Variants in LETM1 observed in about 807,000 individuals in gnomAD.
LETM1 encodes the protein leucine zipper and EF-hand containing transmembrane protein 1, also known as mitochondrial proton/calcium exchanger protein.
Under a neutral mutation model 74.5 loss-of-function variants are expected in LETM1, and 50 were observed. The observed-to-expected ratio is 0.67, with a 90% CI of 0.53 to 0.85. The LOEUF (loss-of-function observed/expected upper bound fraction) is 0.85, where lower values mean the gene tolerates loss of function less well. LETM1 is among the 40% of genes least tolerant of loss of function. The probability of loss-of-function intolerance (pLI) is 0.00; values close to 1 mark genes in which losing one functional copy is unlikely to be tolerated. For synonymous variants in LETM1, 446 were observed against 407.1 expected, an observed-to-expected ratio of 1.10 and a Z score of -1.15; for missense variants, 824 against 967.8, an observed-to-expected ratio of 0.85 and a Z score of 1.97.
chr4:1,816,989 T>A, intron 11 of LETM1, 75 bp from the exon 12 acceptor site: 2 of 1,259,054 alleles, frequency 1.6e-6, no homozygotes, highest in Non-Finnish European at 2.3e-6. Flanking sequence ...CTCACGCCTG[T>A]AATCCCAGTA....
chr4:1,828,399 G>T (rs1399810568), intron 6 of LETM1, among the ~76,000 whole-genome samples: 3 of 95,120 alleles, frequency 3.2e-5, no homozygotes, highest in African/African-American at 4.8e-5. Context: ...CCTCCCTCCC[G>T]GACGGGGCGG....
intron 1 of LETM1, among the ~76,000 whole-genome samples, chr4:1,850,244 T>G (rs923894610): frequency 6.6e-6 from 1 of 152,128 alleles, no homozygotes; most frequent in Non-Finnish European, 1.5e-5. Context: ...GTTGGAAGGT[T>G]TCAGAGCACT....
At chr4:1,831,226 C>T (rs1712257508) in intron 6 of LETM1, among the ~76,000 whole-genome samples, 1 of 152,240 alleles carries the variant, frequency 6.6e-6, no homozygotes, top group African/African-American at 2.4e-5. Context: ...TGTTGTCACT[C>T]ACTCACATCC....
intron 12 of LETM1, among the ~76,000 whole-genome samples, chr4:1,816,497 C>A (rs1711576087): frequency 6.6e-6 from 1 of 152,032 alleles, no homozygotes; most frequent in Non-Finnish European, 1.5e-5. Context: ...GGAGAGGGGG[C>A]TGTGGGAAGA....
intron 2 of LETM1, among the ~76,000 whole-genome samples, chr4:1,845,479 C>A (rs1175288386): frequency 6.6e-6 from 1 of 150,806 alleles, no homozygotes; most frequent in Non-Finnish European, 1.5e-5. Context: ...ATTGTGTGAC[C>A]AAATAAAAAG....
intron 8 of LETM1, 110 bp from the exon 9 acceptor site, chr4:1,823,241 TCA>T (rs1193454392): frequency 7.4e-7 from 1 of 1,352,232 alleles, no homozygotes; most frequent in Non-Finnish European, 1.0e-6. Context: ...CACCTGGGCT[TCA>T]CACACACAGG....
intron 3 of LETM1, among the ~76,000 whole-genome samples, chr4:1,837,859 C>A (rs377159865): frequency 6.6e-6 from 1 of 151,890 alleles, no homozygotes. Context: ...TGCGCCACCA[C>A]GCCTAGCTAA....
chr4:1,852,687 G>A (rs1302874456), intron 1 of LETM1, among the ~76,000 whole-genome samples: 1 of 152,180 alleles, frequency 6.6e-6, no homozygotes, highest in African/African-American at 2.4e-5. Flanking sequence ...GGCCAAGGCA[G>A]GTGGATCGCT....
intron 6 of LETM1, 34 bp from the exon 7 acceptor site, chr4:1,825,717 C>T: frequency 2.5e-6 from 4 of 1,583,020 alleles, no homozygotes; most frequent in Non-Finnish European, 3.4e-6. Context: ...TCATCTGGGA[C>T]AGTTGCTGGT....
rs1343767457 is a variant in LETM1, at chr4:1,816,722, C to A, written c.1931+5G>T. 1 of 1,612,466 alleles carries A rather than the reference C, an allele frequency of 6.2e-7. No homozygotes were observed. The highest frequency in any genetic ancestry group is 8.5e-7 in the Non-Finnish European group (1 of 1,178,716). Reference sequence around the variant, plus strand: ...TCCCTCTCCCGCGCCCACCACCCCACTCACCCCGTGGGCATGCCGTTGGCC... The same window carrying A: ...TCCCTCTCCCGCGCCCACCACCCCAATCACCCCGTGGGCATGCCGTTGGCC... On this transcript the variant is annotated splice_donor_5th_base_variant and intron_variant, in intron 12 of 13. Transcript: ENST00000302787.
intron 2 of LETM1, chr4:1,843,159 TA>T (rs111668920): frequency 0.086 from 14,859 of 172,242 alleles, 2,136 homozygotes; most frequent in African/African-American, 0.32. Context: ...TGCGTGACCT[TA>T]GACTGAGTAA....
At chr4:1,835,792 T>A (rs1165378252) in intron 4 of LETM1, among the ~76,000 whole-genome samples, 1 of 152,184 alleles carries the variant, frequency 6.6e-6, no homozygotes, top group South Asian at 2.1e-4. Context: ...TATTTTAAAA[T>A]ACATTGAGCT....
chr4:1,848,715 CAA>C (rs927486416), intron 2 of LETM1, among the ~76,000 whole-genome samples: 2 of 43,894 alleles, frequency 4.6e-5, no homozygotes, highest in African/African-American at 9.1e-5. Flanking sequence ...GGCTCTGTCT[CAA>C]AAAAAAAAAA....
In LETM1 at chr4:1,814,138, C is replaced by T. The variant is rs568218855; in HGVS notation, c.*286G>A. ...GAGACTGAGGCCACACACATGGGGG[C>T]GCCTTCCTGCCTTGGCCCAGCCCAG... On this transcript the variant is annotated 3_prime_UTR_variant, in exon 14 of 14. Coordinates refer to ENST00000302787, the MANE Select transcript of LETM1 (RefSeq NM_012318.3). The T allele has an allele frequency of 3.2e-3, 1,389 of 440,146 alleles. 18 individuals are homozygous for T. The highest frequency in any genetic ancestry group is 1.9e-3 in the Non-Finnish European group (453 of 238,170). 27.3% of individuals were successfully genotyped at this position (440,146 alleles called of 1,614,324 possible). A position where few individuals can be genotyped will look rare whatever the true frequency, so the allele number is the denominator to read the frequency against.
At chr4:1,816,440 G>C (rs1448019527) in intron 12 of LETM1, among the ~76,000 whole-genome samples, 1 of 152,178 alleles carries the variant, frequency 6.6e-6, no homozygotes, top group Non-Finnish European at 1.5e-5. Context: ...AGAGAGCCTG[G>C]TAATTAGAGG....
At chr4:1,824,088 C>T (rs920708530) in intron 7 of LETM1, among the ~76,000 whole-genome samples, 15 of 152,070 alleles carry the variant, frequency 9.9e-5, no homozygotes, top group African/African-American at 3.6e-4. Flanking sequence ...TTTGGGAGGC[C>T]GAGGTGGGCG....
chr4:1,831,906 G>C (rs181102403), intron 6 of LETM1, among the ~76,000 whole-genome samples: 10 of 152,354 alleles, frequency 6.6e-5, no homozygotes, highest in South Asian at 2.1e-4. Context: ...CCAGTTATTA[G>C]AGTAATCAAT....
chr4:1,854,783 ACT>A (rs1249332619), intron 1 of LETM1, among the ~76,000 whole-genome samples: 3 of 151,942 alleles, frequency 2.0e-5, no homozygotes, highest in Admixed American at 2.0e-4. Flanking sequence ...ACAGATTGAG[ACT>A]CTGTCTTTAA....
rs776385710 is a variant in LETM1 at position 1,816,927 on chromosome 4, T to C, written c.1744-13A>G. On this transcript the variant is annotated splice_polypyrimidine_tract_variant and intron_variant, in intron 11 of 13. Coordinates refer to ENST00000302787, the MANE Select transcript of LETM1 (RefSeq NM_012318.3). ...TCTCCTGCAAGTCCTAATAAAATTA[T>C]TTTGGTTGTAAAAAGTTTGTCTTAA... 6 of 1,605,278 alleles carry C rather than the reference T, an allele frequency of 3.7e-6. No individual in the cohort carries two copies. Among genetic ancestry groups the C allele is most frequent in the Non-Finnish European group, 5.1e-6 (6 of 1,173,806 alleles).
Sources: allele counts gnomAD v4.1 joint callset (sites outside exome capture counted in the v4.1 genomes callset), GRCh38; gene constraint gnomAD v4.1.1; transcripts MANE v1.5; gene names NCBI Gene and HGNC (gene_info 2026-07-23, HGNC 2026-07-21).